Variants in SSH2 observed in about 807,000 individuals in gnomAD.
SSH2 encodes protein phosphatase Slingshot homolog 2.
Under a neutral mutation model 135.2 loss-of-function variants are expected in SSH2, and 37 were observed. The observed-to-expected ratio is 0.27, with a 90% confidence interval of 0.21 to 0.36. The LOEUF (loss-of-function observed/expected upper bound fraction) is 0.36. SSH2 is among the 10% of genes least tolerant of loss of function. The probability of loss-of-function intolerance (pLI) is 1.00; values close to 1 mark genes in which losing one functional copy is unlikely to be tolerated. For synonymous variants in SSH2, 628 were observed against 646.2 expected (o/e 0.97, Z 0.43); for missense variants, 1,408 against 1,765.3 (o/e 0.80, Z 3.63).
chr17:29,700,072 C>G (rs753028765), intron 4 of SSH2, among the ~76,000 whole-genome samples: 1 of 152,154 alleles, frequency 6.6e-6, no homozygotes, highest in Admixed American at 6.6e-5. Flanking sequence ...CTAAAACAGC[C>G]GAGATTATCT....
intron 1 of SSH2, among the ~76,000 whole-genome samples, chr17:29,889,802 CAAAAAAAAAAAAA>C (rs534822390): frequency 4.0e-5 from 2 of 49,472 alleles, no homozygotes; most frequent in African/African-American, 7.5e-5. Context: ...CCATCTCTAC[CAAAAAAAAAAAAA>C]AAAAAAAAAA....
intron 3 of SSH2, among the ~76,000 whole-genome samples, chr17:29,717,938 T>C (rs2039682958): frequency 6.6e-6 from 1 of 152,152 alleles, no homozygotes; most frequent in African/African-American, 2.4e-5. Flanking sequence ...GCTTGGGAAT[T>C]AGCAAGGAGG....
chr17:29,671,433 G>A (rs1469136458), intron 9 of SSH2, among the ~76,000 whole-genome samples: 1 of 152,260 alleles, frequency 6.6e-6, no homozygotes, highest in Admixed American at 6.5e-5. Context: ...AGTGAGCTAT[G>A]ATTGTGCCAC....
chr17:29,688,114 G>A (rs1246856037), intron 5 of SSH2, among the ~76,000 whole-genome samples: 1 of 151,522 alleles, frequency 6.6e-6, no homozygotes, highest in Non-Finnish European at 1.5e-5. Context: ...GGGTTCAAGC[G>A]GTTCTCCTGC....
At chr17:29,641,831 T>C (rs2036173973) in intron 14 of SSH2, 1 of 151,960 alleles carries the variant, frequency 6.6e-6, no homozygotes, top group South Asian at 2.1e-4. Flanking sequence ...CTGCTAAAAA[T>C]GGAGTACTTG....
At chr17:29,696,317 T>C (rs143716930) in intron 4 of SSH2, among the ~76,000 whole-genome samples, 9 of 149,284 alleles carry the variant, frequency 6.0e-5, no homozygotes, top group Non-Finnish European at 1.3e-4. Context: ...TGTATATAAA[T>C]ATACATACAT....
intron 3 of SSH2, among the ~76,000 whole-genome samples, chr17:29,786,224 T>C (rs776560516): frequency 2.6e-5 from 4 of 152,246 alleles, no homozygotes; most frequent in Non-Finnish European, 5.9e-5. Flanking sequence ...TTCATCCATT[T>C]ATCTTTTGAC....
chr17:29,749,285 A>G (rs904344346), intron 3 of SSH2, among the ~76,000 whole-genome samples: 15 of 152,238 alleles, frequency 9.9e-5, no homozygotes, highest in Non-Finnish European at 1.5e-4. Flanking sequence ...ACTTAATGAC[A>G]GGAATACATT....
chr17:29,862,048 G>A (rs1008400729), intron 1 of SSH2, among the ~76,000 whole-genome samples: 1 of 152,152 alleles, frequency 6.6e-6, no homozygotes, highest in Admixed American at 6.5e-5. Flanking sequence ...GCTTTTTCTG[G>A]AGAGGTGATG....
In SSH2 at chr17:29,723,257, G is replaced by A. The variant is rs114617872; in HGVS notation, c.189-20195C>T. Among the ~76,000 whole-genome samples, 1,104 of 152,256 alleles carry A rather than the reference G, an allele frequency of 7.3e-3. 9 individuals carry two copies. Among genetic ancestry groups the A allele is most frequent in the African/African-American group, 0.025 (1,044 of 41,540 alleles). On this transcript the variant is annotated intron_variant, in intron 3 of 15. Coordinates refer to ENST00000540801, the MANE Select transcript of SSH2 (RefSeq NM_001282129.2). ...AATAAAAAAAAGCTTATCATGTACAGAAAACTCATGTAAAAGCAAAGACAA... is the reference window on the plus strand; with the variant it reads ...AATAAAAAAAAGCTTATCATGTACAAAAAACTCATGTAAAAGCAAAGACAA...
intron 1 of SSH2, among the ~76,000 whole-genome samples, chr17:29,874,330 C>T (rs2065991506): frequency 6.6e-6 from 1 of 152,092 alleles, no homozygotes; most frequent in African/African-American, 2.4e-5. Context: ...CAGGTTAACA[C>T]ATTTAACTTA....
chr17:29,917,213 A>AT (rs1353662903), intron 1 of SSH2, among the ~76,000 whole-genome samples: 6 of 152,200 alleles, frequency 3.9e-5, no homozygotes, highest in African/African-American at 1.4e-4. Flanking sequence ...AGAAAAAAAA[A>AT]CTGGCTTCTA....
At position 29,848,743 on chromosome 17, in the gene SSH2, T is replaced by C. The variant is rs73987166; in HGVS notation, c.144+106A>G. On this transcript the variant is annotated intron_variant, in intron 2 of 15. Coordinates refer to ENST00000540801, the MANE Select transcript of SSH2 (RefSeq NM_001282129.2). ...AGACATTTGGCTGAATGGGGTCAAATAGATAAAATAATAGGCACTATATCA... is the reference window on the plus strand; with the variant it reads ...AGACATTTGGCTGAATGGGGTCAAACAGATAAAATAATAGGCACTATATCA... 7.0e-4 allele frequency: 481 copies of C among 688,518 alleles called. 6 individuals carry two copies. In the African/African-American group the frequency reaches 8.2e-3, roughly 12 times the overall value. The allele number at this position is 688,518 out of a possible 1,614,324, so 42.7% of individuals were successfully genotyped here.
intron 2 of SSH2, among the ~76,000 whole-genome samples, chr17:29,837,662 A>C (rs908181964): frequency 4.6e-5 from 7 of 152,192 alleles, no homozygotes; most frequent in African/African-American, 1.7e-4. Context: ...GCTCCCTGCC[A>C]CATCCCAGGA....
intron 1 of SSH2, among the ~76,000 whole-genome samples, chr17:29,858,209 T>C (rs568158248): frequency 6.6e-6 from 1 of 152,342 alleles, no homozygotes; most frequent in East Asian, 1.9e-4. Context: ...AGCCTCCTAC[T>C]AATAGATTCA....
intron 1 of SSH2, among the ~76,000 whole-genome samples, chr17:29,908,437 C>T (rs2151469124): frequency 6.6e-6 from 1 of 152,146 alleles, no homozygotes; most frequent in East Asian, 1.9e-4. Context: ...TGCACTCTAG[C>T]CTGTGCAACA....
chr17:29,896,918 G>A (rs1048156625), intron 1 of SSH2, among the ~76,000 whole-genome samples: 2 of 151,666 alleles, frequency 1.3e-5, no homozygotes, highest in African/African-American at 4.8e-5. Flanking sequence ...AGACACTAAG[G>A]GGGGTACGAA....
chr17:29,860,742 A>G lies in SSH2; in HGVS notation c.64-11813T>C, dbSNP rs868076275. ...CTACTGTGCTCAGTCTCCTTTGCCC[A>G]CTTTTTTTCTTTTTTTTTTTTGAGA... On this transcript the variant is annotated intron_variant, in intron 1 of 15. Transcript: ENST00000540801. Among the ~76,000 whole-genome samples, 4 of 127,108 alleles carry G rather than the reference A, an allele frequency of 3.1e-5. No individual in the cohort carries two copies. The Middle Eastern group carries it at 0.019, about 588-fold the overall frequency. The allele number at this position is 127,108 out of a possible 152,430, so 83.4% of individuals were successfully genotyped here.
chr17:29,759,980 G>A (rs544361829), intron 3 of SSH2, among the ~76,000 whole-genome samples: 1 of 152,176 alleles, frequency 6.6e-6, no homozygotes, highest in South Asian at 2.1e-4. Flanking sequence ...TTTAATTGTG[G>A]AGCTTTTACA....
Sources: gnomAD v4.1 joint callset for allele counts (sites outside exome capture counted in the v4.1 genomes callset) on GRCh38, gnomAD v4.1.1 for gene constraint, MANE v1.5 for transcripts, NCBI Gene and HGNC (gene_info 2026-07-23, HGNC 2026-07-21) for gene names.